Variants in TREM2 observed in about 807,000 individuals in gnomAD.
TREM2 encodes triggering receptor expressed on monocytes 2.
A neutral mutation model predicts 22.9 loss-of-function variants in TREM2; 20 were observed. The observed-to-expected ratio is 0.87, with a 90% CI of 0.61 to 1.27. TREM2 has a LOEUF of 1.27. TREM2 is among the 50% of genes most tolerant of loss of function. The pLI, the probability that TREM2 is intolerant of heterozygous loss-of-function variation, is 0.00. For missense variants in TREM2, 267 were observed against 289.0 expected, an observed-to-expected ratio of 0.92 and a Z score of 0.55; for synonymous variants, 111 against 120.9, an observed-to-expected ratio of 0.92 and a Z score of 0.54.
chr6:41,161,118 T>C (rs1765552585), intron 2 of TREM2, 145 bp downstream of exon 2: 1 of 790,540 alleles, frequency 1.3e-6, no homozygotes, highest in African/African-American at 1.7e-5. Flanking sequence ...ACAACTATCC[T>C]TGGTAGCCCT....
At chr6:41,161,149 A>T in intron 2 of TREM2, 114 bp downstream of exon 2, 1 of 965,290 alleles carries the variant, frequency 1.0e-6, no homozygotes, top group Non-Finnish European at 1.6e-6. Context: ...ATGAGACCAT[A>T]CGATGGGTTT....
chr6:41,159,946 C>A lies in TREM2; in HGVS notation c.392-64G>T. 1.4e-6 allele frequency: 2 copies of A among 1,425,756 alleles called. 1 individual carries two copies. Among genetic ancestry groups the A allele is most frequent in the South Asian group, 2.3e-5 (2 of 85,444 alleles). The allele number at this position is 1,425,756 out of a possible 1,614,324, so 88.3% of individuals were successfully genotyped here. A position where few individuals can be genotyped will look rare whatever the true frequency, so the allele number is the denominator to read the frequency against. ...CCTCGAGGCAGGGGGAGAACCTTGGCGGGAGAACCTTTATGGGTGGGGTGA... is the reference window on the plus strand; with the variant it reads ...CCTCGAGGCAGGGGGAGAACCTTGGAGGGAGAACCTTTATGGGTGGGGTGA... On this transcript the variant is annotated intron_variant, in intron 2 of 4. Transcript: ENST00000373113.
chr6:41,159,615 C>T (rs1265245618), intron 3 of TREM2, among the ~76,000 whole-genome samples, 177 bp downstream of exon 3: 4 of 152,190 alleles, frequency 2.6e-5, no homozygotes, highest in Admixed American at 6.5e-5. Flanking sequence ...GACACAGTCA[C>T]GCTAACTAAC....
chr6:41,161,430 A>T lies in TREM2; in HGVS notation c.224T>A (p.Leu75Gln), dbSNP rs755692913. ...STHNLWLLSF[L>Q]RRWNGSTAIT... ...GGCTGTGCTCCCATTCCACCTCCTC[A>T]GGAAGGACAGCAGCCACAAGTTGTG... The change falls in exon 2 of 5, where the codon CTG (leucine) becomes CAG (glutamine). Residue 75 changes from leucine to glutamine, a missense_variant. By Grantham distance (113) the Leu-to-Gln change is moderately radical. Transcript: ENST00000373113. The T allele has an allele frequency of 3.1e-6, 5 of 1,614,234 alleles. No individual in the cohort carries two copies. The South Asian group carries it at 5.5e-5, about 18-fold the overall frequency.
intron 1 of TREM2, among the ~76,000 whole-genome samples, chr6:41,162,454 C>G (rs962666269): frequency 6.6e-6 from 1 of 152,198 alleles, no homozygotes. Context: ...TTGTCCAGTG[C>G]TCTGGGGGAG....
At position 41,163,098 on chromosome 6, in the gene TREM2, C is replaced by G. The variant is rs997149690; in HGVS notation, c.-16G>C. The G allele has an allele frequency of 1.5e-5, 24 of 1,614,004 alleles. No homozygotes were observed. The highest frequency in any genetic ancestry group is 2.0e-5 in the Non-Finnish European group (24 of 1,179,928). ...GAGGCTCCATGCCACCCTTCCCCAG[C>G]CAAGGGCAGAAGCAGAGTGCCTTGT... On this transcript the variant is annotated 5_prime_UTR_variant, in exon 1 of 5. Transcript: ENST00000373113.
At position 41,158,913 on chromosome 6, in the gene TREM2, G is replaced by C. The variant is rs1170630105; in HGVS notation, c.636C>G (p.Asp212Glu). 1 of 1,614,260 alleles carries C rather than the reference G, an allele frequency of 6.2e-7. No individual in the cohort carries two copies. Among genetic ancestry groups the C allele is most frequent in the South Asian group, 1.1e-5 (1 of 91,080 alleles). Reference protein sequence around the residue: ...KPGTHPPSELDCGHDPGYQLQ... With the variant: ...KPGTHPPSELECGHDPGYQLQ... ...GCTGATACCCTGGGTCATGGCCACA[G>C]TCCAGTTCACTGGGTGGATGTGTCC... The change falls in exon 4 of 5, where the codon GAC (aspartate) becomes GAG (glutamate). Residue 212 changes from aspartate (D) to glutamate (E), a missense_variant. Transcript: ENST00000373113.
rs767767228 is a variant in TREM2, at chr6:41,158,617, C to A, written c.*147G>T. On this transcript the variant is annotated 3_prime_UTR_variant, in exon 5 of 5. Transcript: ENST00000373113. ...TCCCCACTCCCTCAACCAGTCCCTG[C>A]TTCCAGGGTCCAGGAGAAGCAGTGT... 14 of 1,575,382 alleles carry A rather than the reference C, an allele frequency of 8.9e-6. No individual in the cohort carries two copies. The African/African-American group carries it at 1.6e-4, about 18-fold the overall frequency.
At chr6:41,160,616 A>G (rs529130077) in intron 2 of TREM2, among the ~76,000 whole-genome samples, 1 of 152,166 alleles carries the variant, frequency 6.6e-6, no homozygotes, top group South Asian at 2.1e-4. Context: ...CGATCCCAAG[A>G]CAGTTCAGTA....
rs746283732 is a variant in TREM2 at position 41,158,670 on chromosome 6, A to G, written c.*94T>C. 1.3e-5 allele frequency: 21 copies of G among 1,612,504 alleles called. No individual in the cohort carries two copies. The highest frequency in any genetic ancestry group is 1.7e-5 in the Non-Finnish European group (20 of 1,179,294). ...AGGCAGAGTAGTCTCTTGCCAGAGC[A>G]GAACAAGGAGTCCTGGTGGCCAAGT... On this transcript the variant is annotated 3_prime_UTR_variant, in exon 5 of 5. Coordinates refer to ENST00000373113, the MANE Select transcript of TREM2 (RefSeq NM_018965.4).
intron 3 of TREM2, among the ~76,000 whole-genome samples, chr6:41,159,528 G>A (rs999060459): frequency 7.9e-5 from 12 of 152,150 alleles, no homozygotes; most frequent in African/African-American, 2.4e-4. Context: ...GGGGAGGGGC[G>A]GGAGCTGATA....
chr6:41,161,190 T>A, intron 2 of TREM2, 73 bp downstream of exon 2: 1 of 1,395,200 alleles, frequency 7.2e-7, no homozygotes, highest in Non-Finnish European at 1.0e-6. Context: ...CAGTGGGTGG[T>A]TCTGCACACA....
Position 41,158,889 on chromosome 6 carries a change from C to T in TREM2, c.660G>A (p.Gln220=). 1.2e-6 allele frequency: 2 copies of T among 1,614,234 alleles called. No homozygotes were observed. The highest frequency in any genetic ancestry group is 1.7e-6 in the Non-Finnish European group (2 of 1,180,044). ...ELDCGHDPGY[Q]LQTLPGLRDT ...CAAGCCCACCTGGCAGAGTTTGGAG[C>T]TGATACCCTGGGTCATGGCCACAGT... The change falls in exon 4 of 5, where the codon CAG becomes CAA. Residue 220 remains glutamine (Q), a synonymous_variant. Coordinates refer to ENST00000373113, the MANE Select transcript of TREM2 (RefSeq NM_018965.4).
Position 41,158,545 on chromosome 6 carries a change from T to G in TREM2, c.*219A>C, listed in dbSNP as rs1283695306. 1 of 1,476,598 alleles carries G rather than the reference T, an allele frequency of 6.8e-7. No homozygotes were observed. Among genetic ancestry groups the G allele is most frequent in the Non-Finnish European group, 9.2e-7 (1 of 1,092,080 alleles). 91.5% of individuals were successfully genotyped at this position (1,476,598 alleles called of 1,614,324 possible). On this transcript the variant is annotated 3_prime_UTR_variant, in exon 5 of 5. Transcript: ENST00000373113. ...TGACAGTCTTGGATTTATTTGTAAG[T>G]GTTTAAAATGTCCAATATTCAGAAG...
chr6:41,161,068 C>T (rs1250127421), intron 2 of TREM2, among the ~76,000 whole-genome samples, 195 bp downstream of exon 2: 1 of 152,182 alleles, frequency 6.6e-6, no homozygotes, highest in African/African-American at 2.4e-5. Context: ...AAAAGGAGTC[C>T]GGGCTGGATT....
chr6:41,161,180 C>T, intron 2 of TREM2, 83 bp downstream of exon 2: 2 of 1,234,122 alleles, frequency 1.6e-6, no homozygotes, highest in South Asian at 1.3e-5. Context: ...CCTGAGAGCC[C>T]AGTGGGTGGT....
At position 41,158,964 on chromosome 6, in the gene TREM2, A is replaced by T; in HGVS notation, c.585T>A (p.Ala195=). The change falls in exon 4 of 5, where the codon GCT becomes GCA. Residue 195 remains alanine (A), a synonymous_variant. Transcript: ENST00000373113. ...CTGGCTTCTGTCCATGCCAGGCTGC[A>T]GCCCAGAGGGCGCTGGCTGCTAGAA... ...IKILAASALW[A]AAWHGQKPGT... The T allele has an allele frequency of 6.2e-7, 1 of 1,614,216 alleles. No individual in the cohort carries two copies. The highest frequency in any genetic ancestry group is 8.5e-7 in the Non-Finnish European group (1 of 1,180,034).
chr6:41,161,638 C>A, intron 1 of TREM2, 25 bp from the exon 2 acceptor site: 4 of 1,583,802 alleles, frequency 2.5e-6, no homozygotes, highest in East Asian at 2.3e-5. Flanking sequence ...TTCATTCACT[C>A]CTTTGTTTAC....
chr6:41,159,020 G>A lies in TREM2; in HGVS notation c.529C>T (p.Leu177Phe). 1.2e-6 allele frequency: 2 copies of A among 1,614,190 alleles called. No homozygotes were observed. The highest frequency in any genetic ancestry group is 8.5e-7 in the Non-Finnish European group (1 of 1,180,016). The stretch of plus-strand genomic sequence containing the variant: ...ATGAGAAAGATGCAGGCCAGGAGGA[G>A]AAGGATGGAAGTGGGTGGGAAGGGG... ...EIPFPPTSIL[L>F]LLACIFLIKI... Residue 177 changes from leucine to phenylalanine, a missense_variant, in exon 4 of 5, where the codon CTC (leucine) becomes TTC (phenylalanine). Coordinates refer to ENST00000373113, the MANE Select transcript of TREM2 (RefSeq NM_018965.4).
Sources: gnomAD v4.1 joint callset for allele counts (sites outside exome capture counted in the v4.1 genomes callset) on GRCh38, gnomAD v4.1.1 for gene constraint, MANE v1.5 for transcripts, NCBI Gene and HGNC (gene_info 2026-07-23, HGNC 2026-07-21) for gene names.